CCDC73: variants seen among roughly 807,000 people sequenced by gnomAD.
CCDC73 encodes the protein coiled-coil domain containing 73.
Under a neutral mutation model 116.5 loss-of-function variants are expected in CCDC73, and 95 were observed. The ratio of observed to expected loss-of-function variants is 0.82; its 90% confidence interval spans 0.69 to 0.97. The LOEUF is 0.97. Ranked by LOEUF, CCDC73 falls within the 50% of genes least tolerant of loss-of-function variation. The pLI, the probability that CCDC73 is intolerant of heterozygous loss-of-function variation, is 0.00. For missense variants in CCDC73, 1,066 were observed against 1,206.8 expected (o/e 0.88, Z 1.73); for synonymous variants, 398 against 401.3 (o/e 0.99, Z 0.10).
At chr11:32,825,006 G>C in the CCDC73 span, among the ~76,000 whole-genome samples, 3 of 152,164 alleles carry the variant, frequency 2.0e-5, no homozygotes, top group Admixed American at 1.3e-4. Context: ...GATCGCTGGA[G>C]CCCAGGAGGT....
intron 2 of CCDC73, among the ~76,000 whole-genome samples, chr11:32,733,604 G>A (rs1197038547): frequency 6.6e-6 from 1 of 152,146 alleles, no homozygotes; most frequent in Non-Finnish European, 1.5e-5. Context: ...TAGAACTCAG[G>A]ATTAAGAATC....
At chr11:32,777,615 A>G (rs188495862) in intron 1 of CCDC73, among the ~76,000 whole-genome samples, 20 of 152,262 alleles carry the variant, frequency 1.3e-4, no homozygotes, top group Admixed American at 5.9e-4. Flanking sequence ...AAAATCTACA[A>G]CTACATCAGA....
rs561438665 is a variant in CCDC73 at position 32,703,457 on chromosome 11, G to GA, written c.208-514dup. Among the ~76,000 whole-genome samples, 729 of 142,170 alleles carry GA rather than the reference G, an allele frequency of 5.1e-3. 5 individuals are homozygous for GA. Among genetic ancestry groups the GA allele is most frequent in the Middle Eastern group, 0.011 (3 of 272 alleles). The allele number at this position is 142,170 out of a possible 152,430, so 93.3% of individuals were successfully genotyped here. A position where few individuals can be genotyped will look rare whatever the true frequency, so the allele number is the denominator to read the frequency against. ...TTTTGCTTCCTGTTGCTTTTTTCATGAAAAAAAAAAACATTGCTTCTAAAA... is the reference window on the plus strand; with the variant it reads ...TTTTGCTTCCTGTTGCTTTTTTCATGAAAAAAAAAAAACATTGCTTCTAAAA... On this transcript the variant is annotated intron_variant, in intron 3 of 17. Transcript: ENST00000335185.
intron 9 of CCDC73, among the ~76,000 whole-genome samples, chr11:32,661,752 T>C (rs1194525805): frequency 6.6e-6 from 1 of 151,334 alleles, no homozygotes; most frequent in East Asian, 2.0e-4. Flanking sequence ...GTTACATATG[T>C]ATACATGTGC....
Position 32,643,398 on chromosome 11 carries a change from G to A in CCDC73, c.940-1316C>T, listed in dbSNP as rs567476394. Among the ~76,000 whole-genome samples the A allele has an allele frequency of 3.3e-5, 5 of 152,146 alleles. No individual in the cohort carries two copies. The East Asian group carries it at 5.8e-4, about 18-fold the overall frequency. ...ATGTGTTGGTTATAGACAGGGATAT[G>A]TTCTGATAATTCCATCATTAGGTGA... On this transcript the variant is annotated intron_variant, in intron 12 of 17. Transcript: ENST00000335185.
At chr11:32,739,790 T>C (rs1850167465) in intron 2 of CCDC73, among the ~76,000 whole-genome samples, 1 of 150,892 alleles carries the variant, frequency 6.6e-6, no homozygotes, top group African/African-American at 2.5e-5. Context: ...TTTCAGTTTC[T>C]TCCCATTCAG....
intron 10 of CCDC73, 67 bp from the exon 11 acceptor site, chr11:32,654,104 C>A: frequency 7.1e-7 from 1 of 1,415,402 alleles, no homozygotes; most frequent in Non-Finnish European, 9.5e-7. Flanking sequence ...CAATTCAGTA[C>A]TAAACAAATT....
chr11:32,665,209 T>A (rs892015745), intron 9 of CCDC73, among the ~76,000 whole-genome samples: 1 of 152,190 alleles, frequency 6.6e-6, no homozygotes, highest in Non-Finnish European at 1.5e-5. Flanking sequence ...TTCCTGGATA[T>A]CCTTTTTAAC....
chr11:32,643,715 C>T (rs2133252081), intron 12 of CCDC73, among the ~76,000 whole-genome samples: 1 of 152,200 alleles, frequency 6.6e-6, no homozygotes, highest in Non-Finnish European at 1.5e-5. Context: ...GAACGTTGCT[C>T]TGGGTGAGTC....
At chr11:32,643,441 A>G (rs1398805817) in intron 12 of CCDC73, among the ~76,000 whole-genome samples, 2 of 152,106 alleles carry the variant, frequency 1.3e-5, no homozygotes, top group Non-Finnish European at 2.9e-5. Flanking sequence ...CACTGTATGA[A>G]CATCATAGAG....
chr11:32,799,522 C>A (rs974585275), upstream of CCDC73, among the ~76,000 whole-genome samples: 1 of 152,150 alleles, frequency 6.6e-6, no homozygotes, highest in Non-Finnish European at 1.5e-5. Flanking sequence ...ATCTTTATTA[C>A]AATTTGGAAT....
intron 13 of CCDC73, among the ~76,000 whole-genome samples, chr11:32,636,467 G>C (rs926176444): frequency 2.0e-5 from 3 of 152,042 alleles, no homozygotes; most frequent in Non-Finnish European, 4.4e-5. Flanking sequence ...TTGGGGAAAG[G>C]AGTACTCTCA....
chr11:32,760,158 T>C lies in CCDC73; in HGVS notation c.86A>G (p.Asp29Gly). 1 of 1,605,628 alleles carries C rather than the reference T, an allele frequency of 6.2e-7. No individual in the cohort carries two copies. The highest frequency in any genetic ancestry group is 1.1e-5 in the South Asian group (1 of 89,906). Residue 29 changes from aspartate (D) to glycine (G), a missense_variant, in exon 2 of 18, where the codon GAT (aspartate) becomes GGT (glycine). Asp to Gly is a moderately conservative substitution (Grantham distance 94, BLOSUM62 -1). Transcript: ENST00000335185. ...SETLFSIQLLDFKTSLLEALE... is the reference protein window; with the variant it reads ...SETLFSIQLLGFKTSLLEALE... Reference sequence around the variant, plus strand: ...TGCCTCCAGTAAACTTGTTTTGAAATCTAATAGCTGAATAGAAAACAATGT... The same window carrying C: ...TGCCTCCAGTAAACTTGTTTTGAAACCTAATAGCTGAATAGAAAACAATGT...
chr11:32,625,572 G>T (rs923790049), intron 14 of CCDC73, among the ~76,000 whole-genome samples: 5 of 152,110 alleles, frequency 3.3e-5, no homozygotes, highest in Non-Finnish European at 7.4e-5. Context: ...ATTCTGGGTT[G>T]AAAATTCTTT....
chr11:32,675,814 T>A, intron 8 of CCDC73, 72 bp downstream of exon 8: 1 of 1,313,596 alleles, frequency 7.6e-7, no homozygotes, highest in Non-Finnish European at 1.1e-6. Context: ...AGATATTCAA[T>A]GTATTCATAG....
intron 6 of CCDC73, among the ~76,000 whole-genome samples, chr11:32,693,672 T>C (rs1236614450): frequency 2.6e-5 from 4 of 152,126 alleles, no homozygotes; most frequent in African/African-American, 7.2e-5. Flanking sequence ...CTCAATAAAA[T>C]ACTGGCAAAC....
the CCDC73 span, among the ~76,000 whole-genome samples, chr11:32,805,243 G>A: frequency 3.3e-5 from 5 of 152,144 alleles, no homozygotes; most frequent in Non-Finnish European, 7.4e-5. Context: ...TAATGATATA[G>A]ACATATCTTC....
the CCDC73 span, among the ~76,000 whole-genome samples, chr11:32,819,289 G>GATT: frequency 1.3e-5 from 2 of 151,580 alleles, no homozygotes; most frequent in African/African-American, 4.9e-5. Context: ...TAGATAAAAT[G>GATT]ATTATTTTTC....
At chr11:32,629,378 T>C (rs943229627) in intron 14 of CCDC73, among the ~76,000 whole-genome samples, 11 of 150,168 alleles carry the variant, frequency 7.3e-5, no homozygotes, top group South Asian at 2.1e-4. Context: ...AAAACAGACA[T>C]GAAGGAAAAA....
Sources: gnomAD v4.1 joint callset for allele counts (sites outside exome capture counted in the v4.1 genomes callset) on GRCh38, gnomAD v4.1.1 for gene constraint, MANE v1.5 for transcripts, NCBI Gene and HGNC (gene_info 2026-07-23, HGNC 2026-07-21) for gene names.